Variants in NRG4 observed in about 807,000 individuals in gnomAD.
The protein encoded by NRG4 is neuregulin 4.
A neutral mutation model predicts 15.0 loss-of-function variants in NRG4; 10 were observed. The ratio of observed to expected loss-of-function variants is 0.67; its 90% CI spans 0.41 to 1.13. NRG4 has a LOEUF of 1.13. Ranked by LOEUF, NRG4 falls within the 50% of genes most tolerant of loss-of-function variation. The pLI, the probability that NRG4 is intolerant of heterozygous loss-of-function variation, is 0.00. For synonymous variants in NRG4, 41 were observed against 50.1 expected, an observed-to-expected ratio of 0.82 and a Z score of 0.77; for missense variants, 139 against 140.2, an observed-to-expected ratio of 0.99 and a Z score of 0.04.
intron 5 of NRG4, 71 bp from the exon 6 acceptor site, chr15:75,943,725 ATG>A: frequency 1.1e-6 from 1 of 945,990 alleles, no homozygotes; most frequent in South Asian, 1.4e-5. Context: ...ACCTATCTAC[ATG>A]TCTCTTATCT....
chr15:76,052,203 A>C, intron 3 of NRG4: 1 of 151,220 alleles, frequency 6.6e-6, no homozygotes, highest in Admixed American at 6.6e-5. Flanking sequence ...CAAGAACAGA[A>C]TATTTATATA....
intron 3 of NRG4, among the ~76,000 whole-genome samples, chr15:75,975,117 C>T (rs781530270): frequency 1.1e-3 from 172 of 152,092 alleles, no homozygotes; most frequent in African/African-American, 4.0e-3. Flanking sequence ...CCCTTCTTTG[C>T]CTCTTTTGAT....
rs3073840 is a variant in NRG4, at chr15:76,034,619, T to TAAA, written c.-57+1322_-57+1324dup. 4.2e-5 allele frequency among the ~76,000 whole-genome samples: 6 copies of TAAA among 141,636 alleles called. No homozygotes were observed. The South Asian group carries it at 6.9e-4, about 16-fold the overall frequency. 92.9% of individuals were successfully genotyped at this position (141,636 alleles called of 152,430 possible). On this transcript the variant is annotated intron_variant, in intron 5 of 8. Transcript: ENST00000563910. Reference sequence around the variant, plus strand: ...AACTCCTTGTGTGAATAACCATAGCTAAAAAAAAAAAAAACACTTCCAAAT... The same window carrying TAAA: ...AACTCCTTGTGTGAATAACCATAGCTAAAAAAAAAAAAAAAAACACTTCCAAAT...
At chr15:75,966,580 A>C (rs1014898873) in intron 3 of NRG4, among the ~76,000 whole-genome samples, 1 of 152,122 alleles carries the variant, frequency 6.6e-6, no homozygotes, top group Non-Finnish European at 1.5e-5. Context: ...TCAGAAAAAA[A>C]CCCCATGTTT....
rs1156333663 is a variant in NRG4 at position 76,009,181 on chromosome 15, C to A, written c.104+19G>T. 1.7e-6 allele frequency: 2 copies of A among 1,149,602 alleles called. No homozygotes were observed. Among genetic ancestry groups the A allele is most frequent in the African/African-American group, 3.0e-5 (2 of 66,044 alleles). 71.2% of individuals were successfully genotyped at this position (1,149,602 alleles called of 1,614,324 possible). A position where few individuals can be genotyped will look rare whatever the true frequency, so the allele number is the denominator to read the frequency against. ...ATAAAAAATAAAGTTAACATCTCCC[C>A]CTAGTCCATTTCACTCACCTACAAA... On this transcript the variant is annotated intron_variant, in intron 3 of 5. Transcript: ENST00000394907.
intron 4 of NRG4, among the ~76,000 whole-genome samples, chr15:76,049,027 G>C (rs1256008228): frequency 2.7e-5 from 4 of 150,296 alleles, no homozygotes; most frequent in African/African-American, 5.0e-5. Flanking sequence ...CTGGGGGATA[G>C]AGCAATACTC....
intron 5 of NRG4, among the ~76,000 whole-genome samples, chr15:76,031,786 C>G (rs1408213601): frequency 6.6e-6 from 1 of 152,146 alleles, no homozygotes; most frequent in Non-Finnish European, 1.5e-5. Flanking sequence ...ACCCAGGAGG[C>G]AGAGGTTGCA....
chr15:76,029,473 G>A (rs963345198), intron 5 of NRG4, among the ~76,000 whole-genome samples: 4 of 152,120 alleles, frequency 2.6e-5, no homozygotes, highest in African/African-American at 7.2e-5. Flanking sequence ...AAATTAGAAA[G>A]GAGGAAATCA....
chr15:75,973,881 T>C (rs980990331), intron 3 of NRG4, among the ~76,000 whole-genome samples: 1 of 152,224 alleles, frequency 6.6e-6, no homozygotes, highest in African/African-American at 2.4e-5. Context: ...GCTGGCCTCA[T>C]AAAATGATTT....
intron 2 of NRG4, among the ~76,000 whole-genome samples, chr15:76,055,205 C>T (rs528554275): frequency 8.5e-5 from 13 of 152,288 alleles, no homozygotes; most frequent in Admixed American, 2.6e-4. Context: ...ATTGCTTGAA[C>T]GGCGGAGGCG....
intron 4 of NRG4, among the ~76,000 whole-genome samples, chr15:76,036,513 TCCAATTC>T (rs2035600327): frequency 6.6e-6 from 1 of 152,206 alleles, no homozygotes; most frequent in Non-Finnish European, 1.5e-5. Context: ...AAGGCTAGAC[TCCAATTC>T]CCAATTCCAC....
intron 4 of NRG4, among the ~76,000 whole-genome samples, chr15:76,046,846 C>A (rs573733165): frequency 6.6e-6 from 1 of 150,876 alleles, no homozygotes; most frequent in East Asian, 1.9e-4. Context: ...CACAAGGACA[C>A]AATCAACAAA....
At chr15:76,044,369 G>T (rs1448963816) in intron 4 of NRG4, among the ~76,000 whole-genome samples, 1 of 150,476 alleles carries the variant, frequency 6.6e-6, no homozygotes, top group African/African-American at 2.5e-5. Context: ...TTCAATAAAT[G>T]GTGCTGGGAA....
intron 4 of NRG4, among the ~76,000 whole-genome samples, chr15:76,038,131 C>T (rs536027624): frequency 6.6e-6 from 1 of 152,310 alleles, no homozygotes; most frequent in African/African-American, 2.4e-5. Flanking sequence ...ATGGCATGGG[C>T]CTTGGGTGAG....
At chr15:76,037,360 C>T (rs772532410) in intron 4 of NRG4, among the ~76,000 whole-genome samples, 5 of 152,152 alleles carry the variant, frequency 3.3e-5, no homozygotes, top group Non-Finnish European at 5.9e-5. Flanking sequence ...ATCACAGTAG[C>T]CAAGTGTTGT....
At chr15:76,053,740 G>A (rs2036081295) in intron 2 of NRG4, among the ~76,000 whole-genome samples, 1 of 150,600 alleles carries the variant, frequency 6.6e-6, no homozygotes, top group African/African-American at 2.5e-5. Flanking sequence ...ATTTTTAGTA[G>A]AGACAGGGTT....
rs1337826620 is a variant in NRG4 at position 75,941,585 on chromosome 15, C to T, written c.*2053G>A. On this transcript the variant is annotated 3_prime_UTR_variant, in exon 6 of 6. Transcript: ENST00000394907. ...TATATCCATACAATGGAATATTATT[C>T]AGCCATAAAAAGGAAATCCTTCTAC... The T allele has an allele frequency of 6.6e-6, 1 of 152,104 alleles. No individual in the cohort carries two copies. The allele number at this position is 152,104 out of a possible 1,614,324, so 9.4% of individuals were successfully genotyped here.
chr15:76,032,934 T>C (rs2035508812), intron 5 of NRG4, among the ~76,000 whole-genome samples: 2 of 152,218 alleles, frequency 1.3e-5, no homozygotes, highest in South Asian at 2.1e-4. Context: ...TAAAATACTA[T>C]CTTATTCAAA....
intron 3 of NRG4, among the ~76,000 whole-genome samples, chr15:76,004,468 C>G (rs2034524594): frequency 6.6e-6 from 1 of 151,424 alleles, no homozygotes; most frequent in African/African-American, 2.4e-5. Context: ...GGCATGGTGG[C>G]CATGCCTGTA....
Sources: allele counts gnomAD v4.1 joint callset (sites outside exome capture counted in the v4.1 genomes callset), GRCh38; gene constraint gnomAD v4.1.1; transcripts MANE v1.5; gene names NCBI Gene and HGNC (gene_info 2026-07-23, HGNC 2026-07-21).